The following ROS1 variants were observed in gnomAD, a reference collection of about 807,000 sequenced individuals.
The protein encoded by ROS1 is ROS proto-oncogene 1, receptor tyrosine kinase.
ROS1 carries 263 observed loss-of-function variants against 273.5 expected under a neutral mutation model. That is an observed-to-expected ratio of 0.96 (90% CI 0.87 to 1.06). The LOEUF (loss-of-function observed/expected upper bound fraction) is 1.06, where lower values mean the gene tolerates loss of function less well. Among genes scored for constraint, ROS1 ranks in the 50% least tolerant of loss-of-function variants. The pLI is 0.00. For synonymous variants in ROS1, 1,008 were observed against 954.1 expected, an observed-to-expected ratio of 1.06 and a Z score of -1.04; for missense variants, 2,833 against 2,751.1, an observed-to-expected ratio of 1.03 and a Z score of -0.67.
At chr6:117,343,771 G>A (rs1020116261) in intron 28 of ROS1, among the ~76,000 whole-genome samples, 22 of 152,142 alleles carry the variant, frequency 1.4e-4, no homozygotes, top group African/African-American at 4.8e-4. Context: ...TCTCTCTGAG[G>A]ATAATTAGAT....
intron 39 of ROS1, among the ~76,000 whole-genome samples, chr6:117,315,546 A>G (rs779025871): frequency 6.6e-6 from 1 of 152,130 alleles, no homozygotes; most frequent in Non-Finnish European, 1.5e-5. Context: ...AAGCGAGGAA[A>G]GAAAGATGTA....
rs771217753 is a variant in ROS1, at chr6:117,288,730, C to A, written c.6788G>T (p.Arg2263Leu). The change falls in exon 44 of 44, where the codon CGA becomes CTA. Residue 2263 changes from arginine (R) to leucine (L), a missense_variant. Coordinates refer to ENST00000368507, the MANE Select transcript of ROS1 (RefSeq NM_001378902.1). ...MPVALMETKN[R>L]EGLNYMVLAT... The stretch of plus-strand genomic sequence containing the variant: ...AAGTACCATATAGTTTAACCCTTCT[C>A]GGTTCTTCGTTTCCATTAAAGCAAC... 1 of 1,614,018 alleles carries A rather than the reference C, an allele frequency of 6.2e-7. No homozygotes were observed. Among genetic ancestry groups the A allele is most frequent in the Non-Finnish European group, 8.5e-7 (1 of 1,179,988 alleles).
chr6:117,323,797 T>C (rs1776448061), intron 35 of ROS1, among the ~76,000 whole-genome samples: 1 of 152,078 alleles, frequency 6.6e-6, no homozygotes, highest in African/African-American at 2.4e-5. Flanking sequence ...TGAGCAGGGA[T>C]TTGAAATAAG....
intron 31 of ROS1, among the ~76,000 whole-genome samples, chr6:117,340,385 T>C (rs1266470349): frequency 6.6e-6 from 1 of 152,148 alleles, no homozygotes; most frequent in African/African-American, 2.4e-5. Context: ...ACTGATTTGC[T>C]TTTGAGTTAC....
intron 27 of ROS1, 152 bp downstream of exon 27, chr6:117,352,838 A>G: frequency 1.6e-6 from 1 of 636,922 alleles, no homozygotes. Context: ...GCAAACAGCA[A>G]TCACAGTGCA....
chr6:117,338,539 C>CAAAAA (rs3086778), intron 31 of ROS1, among the ~76,000 whole-genome samples: 2 of 141,608 alleles, frequency 1.4e-5, no homozygotes, highest in Non-Finnish European at 1.5e-5. Context: ...AACTCCTGGC[C>CAAAAA]AAAAAAAAAA....
At chr6:117,368,539 C>A (rs1426472169) in intron 18 of ROS1, among the ~76,000 whole-genome samples, 1 of 152,120 alleles carries the variant, frequency 6.6e-6, no homozygotes, top group Non-Finnish European at 1.5e-5. Flanking sequence ...AGCCGTACTG[C>A]TCAGTGCAGC....
chr6:117,359,014 T>C (rs777934124), intron 24 of ROS1, among the ~76,000 whole-genome samples: 3 of 152,188 alleles, frequency 2.0e-5, no homozygotes, highest in Non-Finnish European at 2.9e-5. Flanking sequence ...ACCTGTCTCC[T>C]TAGCACAGTA....
At chr6:117,365,776 A>C in intron 19 of ROS1, 35 bp from the exon 20 acceptor site, 1 of 1,450,626 alleles carries the variant, frequency 6.9e-7, no homozygotes, top group Non-Finnish European at 9.2e-7. Context: ...AATAGGAGAA[A>C]AAAATGGGGA....
At chr6:117,321,507 A>C in intron 35 of ROS1, 113 bp from the exon 36 acceptor site, 1 of 857,884 alleles carries the variant, frequency 1.2e-6, no homozygotes, top group Non-Finnish European at 1.8e-6. Context: ...TATCAGTAGA[A>C]TAGTTATAGA....
chr6:117,350,852 T>C (rs1424422419), intron 27 of ROS1, among the ~76,000 whole-genome samples: 1 of 152,150 alleles, frequency 6.6e-6, no homozygotes, highest in Non-Finnish European at 1.5e-5. Flanking sequence ...TTTCCTCAAA[T>C]ATCCATATCT....
rs2128563596 is a variant in ROS1, at chr6:117,321,356, C to T, written c.5662G>A (p.Glu1888Lys). 1 of 1,613,144 alleles carries T rather than the reference C, an allele frequency of 6.2e-7. No individual in the cohort carries two copies. Among genetic ancestry groups the T allele is most frequent in the East Asian group, 2.2e-5 (1 of 44,842 alleles). Residue 1888 changes from glutamate to lysine, a missense_variant, in exon 36 of 44, where the codon GAA becomes AAA. Physicochemically the swap from Glu to Lys is moderately conservative, Grantham distance 56 (BLOSUM62 1). Transcript: ENST00000368507. Reference protein sequence around the residue: ...RRLKNQKSAKEGVTVLINEDK... With the variant: ...RRLKNQKSAKKGVTVLINEDK... The stretch of plus-strand genomic sequence containing the variant: ...TCGTTTATAAGCACTGTCACCCCTT[C>T]CTTGGCACTTTTTTGATTCTTTAAT...
intron 24 of ROS1, among the ~76,000 whole-genome samples, chr6:117,358,336 C>A (rs1441569731): frequency 1.3e-5 from 2 of 152,188 alleles, no homozygotes; most frequent in African/African-American, 2.4e-5. Flanking sequence ...CAGACTTCAT[C>A]ACCCACCCCA....
At chr6:117,297,602 A>C (rs968343937) in intron 43 of ROS1, among the ~76,000 whole-genome samples, 4 of 152,216 alleles carry the variant, frequency 2.6e-5, no homozygotes, top group African/African-American at 7.2e-5. Context: ...ACAACTGACC[A>C]ACAGGTATAT....
intron 20 of ROS1, 26 bp from the exon 21 acceptor site, chr6:117,365,230 T>C: frequency 6.5e-7 from 1 of 1,544,026 alleles, no homozygotes; most frequent in Non-Finnish European, 8.8e-7. Flanking sequence ...AAAACATTAT[T>C]TTCTCAGGGA....
At chr6:117,390,233 C>T (rs547422923) in intron 12 of ROS1, among the ~76,000 whole-genome samples, 1 of 152,164 alleles carries the variant, frequency 6.6e-6, no homozygotes, top group Non-Finnish European at 1.5e-5. Context: ...TTCAGGTGAT[C>T]CTCCCACACC....
chr6:117,319,675 T>C (rs1403195751), intron 37 of ROS1, among the ~76,000 whole-genome samples, 193 bp downstream of exon 37: 2 of 152,176 alleles, frequency 1.3e-5, no homozygotes, highest in Non-Finnish European at 2.9e-5. Context: ...CTGGAGATTG[T>C]TGATTACAAA....
Position 117,333,170 on chromosome 6 carries a change from A to G in ROS1, c.5231-3724T>C, listed in dbSNP as rs186733235. ...CAAAAAAAATGATAAAGGGGATATC[A>G]CCACTGACCCCACAGAAATACAAAA... On this transcript the variant is annotated intron_variant, in intron 32 of 43. Coordinates refer to ENST00000368507, the MANE Select transcript of ROS1 (RefSeq NM_001378902.1). 7.9e-5 allele frequency among the ~76,000 whole-genome samples: 12 copies of G among 152,306 alleles called. No homozygotes were observed. The East Asian group carries it at 2.3e-3, about 29-fold the overall frequency.
intron 31 of ROS1, among the ~76,000 whole-genome samples, chr6:117,337,703 G>T (rs1158472175): frequency 6.6e-6 from 1 of 152,032 alleles, no homozygotes; most frequent in Non-Finnish European, 1.5e-5. Flanking sequence ...GGACAATGAT[G>T]GATCAAAACA....
Sources: allele counts gnomAD v4.1 joint callset (sites outside exome capture counted in the v4.1 genomes callset), GRCh38; gene constraint gnomAD v4.1.1; transcripts MANE v1.5; gene names NCBI Gene and HGNC (gene_info 2026-07-23, HGNC 2026-07-21).